SRBD1: variants seen among roughly 807,000 people sequenced by gnomAD.
SRBD1 encodes S1 RNA-binding domain-containing protein 1.
A neutral mutation model predicts 115.3 loss-of-function variants in SRBD1; 88 were observed. That is an observed-to-expected ratio of 0.76 (90% CI 0.64 to 0.91). SRBD1 has a LOEUF of 0.91. SRBD1 is among the 40% of genes least tolerant of loss of function. The probability of loss-of-function intolerance (pLI) is 0.00; values close to 1 mark genes in which losing one functional copy is unlikely to be tolerated. For missense variants in SRBD1, 1,385 were observed against 1,177.4 expected, an observed-to-expected ratio of 1.18 and a Z score of -2.58; for synonymous variants, 509 against 407.7, an observed-to-expected ratio of 1.25 and a Z score of -2.99.
At position 45,562,665 on chromosome 2, in the gene SRBD1, C is replaced by A; in HGVS notation, c.1397G>T (p.Cys466Phe). The A allele has an allele frequency of 6.2e-7, 1 of 1,604,176 alleles. No homozygotes were observed. The highest frequency in any genetic ancestry group is 8.5e-7 in the Non-Finnish European group (1 of 1,177,158). The change falls in exon 10 of 21, where the codon TGC becomes TTC. Residue 466 changes from cysteine to phenylalanine, a missense_variant. Transcript: ENST00000263736. ...DGVKDEFCRW[C>F]IQNRWRPRSF... ...TCTGTAAACAGACCTGTTTTGGATG[C>A]ACCACCTACAGAATTCATCCTTCAC...
At chr2:45,470,649 G>A (rs1254366609) in intron 16 of SRBD1, among the ~76,000 whole-genome samples, 5 of 152,242 alleles carry the variant, frequency 3.3e-5, no homozygotes, top group South Asian at 2.1e-4. Flanking sequence ...ATATGACAAG[G>A]CCAAGCTAAA....
chr2:45,489,845 T>A (rs1670239479), intron 14 of SRBD1, among the ~76,000 whole-genome samples: 1 of 150,078 alleles, frequency 6.7e-6, no homozygotes, highest in Non-Finnish European at 1.5e-5. Flanking sequence ...AAACTCTCAA[T>A]AAAATGAGAA....
intron 19 of SRBD1, among the ~76,000 whole-genome samples, chr2:45,400,785 C>T (rs376084479): frequency 2.2e-4 from 33 of 152,148 alleles, no homozygotes; most frequent in Middle Eastern, 3.4e-3. Flanking sequence ...ACTATTATTA[C>T]GCACATTTAA....
chr2:45,491,972 C>T (rs1473696091), intron 14 of SRBD1, among the ~76,000 whole-genome samples: 1 of 151,982 alleles, frequency 6.6e-6, no homozygotes, highest in African/African-American at 2.4e-5. Flanking sequence ...TAGGTGCCCA[C>T]CATCATGCCC....
intron 14 of SRBD1, among the ~76,000 whole-genome samples, chr2:45,493,412 T>C (rs915557806): frequency 5.9e-5 from 9 of 152,160 alleles, no homozygotes; most frequent in Non-Finnish European, 1.2e-4. Context: ...GCTTAAAGGG[T>C]AGAGCTTACT....
intron 5 of SRBD1, 30 bp from the exon 6 acceptor site, chr2:45,581,840 A>C (rs1380199442): frequency 6.5e-7 from 1 of 1,538,332 alleles, no homozygotes; most frequent in East Asian, 2.3e-5. Flanking sequence ...TAATATACCA[A>C]AACTGTATGT....
intron 14 of SRBD1, among the ~76,000 whole-genome samples, chr2:45,536,450 G>A (rs1671766267): frequency 6.6e-6 from 1 of 151,914 alleles, no homozygotes; most frequent in East Asian, 1.9e-4. Context: ...TTCTCTACTG[G>A]AATTATGTTC....
chr2:45,418,273 C>T (rs1013836259), intron 18 of SRBD1, 92 bp downstream of exon 18: 1 of 1,455,326 alleles, frequency 6.9e-7, no homozygotes, highest in African/African-American at 1.4e-5. Flanking sequence ...ACAATGGACA[C>T]TTAGAAAATT....
At chr2:45,475,112 A>C (rs1669767454) in intron 16 of SRBD1, among the ~76,000 whole-genome samples, 1 of 152,140 alleles carries the variant, frequency 6.6e-6, no homozygotes, top group African/African-American at 2.4e-5. Context: ...CTCAAACTTA[A>C]CATGTCTAAA....
At chr2:45,445,821 T>C (rs909732671) in intron 16 of SRBD1, among the ~76,000 whole-genome samples, 4 of 152,192 alleles carry the variant, frequency 2.6e-5, no homozygotes, top group Non-Finnish European at 5.9e-5. Flanking sequence ...TCTACAATTT[T>C]TCCCCAGTAA....
intron 12 of SRBD1, among the ~76,000 whole-genome samples, chr2:45,549,535 G>C (rs1010696062): frequency 6.6e-6 from 1 of 151,322 alleles, no homozygotes; most frequent in Non-Finnish European, 1.5e-5. Flanking sequence ...ATGAGAACAA[G>C]CTTCTTAAAA....
intron 4 of SRBD1, among the ~76,000 whole-genome samples, chr2:45,598,725 C>A (rs1232401356): frequency 6.6e-6 from 1 of 152,088 alleles, no homozygotes; most frequent in Non-Finnish European, 1.5e-5. Flanking sequence ...CAGCAGAGGC[C>A]CTCAGCTCTA....
chr2:45,480,308 T>C (rs1483983611), intron 15 of SRBD1, among the ~76,000 whole-genome samples: 1 of 152,200 alleles, frequency 6.6e-6, no homozygotes, highest in Admixed American at 6.5e-5. Flanking sequence ...TCTGAGGATC[T>C]GGGCAAAGTA....
At chr2:45,435,005 C>G (rs1668449626) in intron 16 of SRBD1, among the ~76,000 whole-genome samples, 1 of 151,730 alleles carries the variant, frequency 6.6e-6, no homozygotes. Flanking sequence ...CCACCTATGA[C>G]TGAGAACATG....
chr2:45,502,620 G>A (rs532172397), intron 14 of SRBD1, among the ~76,000 whole-genome samples: 66 of 147,796 alleles, frequency 4.5e-4, no homozygotes, highest in African/African-American at 1.6e-3. Flanking sequence ...TCATAGGTGG[G>A]AATTGAACAA....
In SRBD1 at chr2:45,412,978, C is replaced by T. The variant is rs527560785; in HGVS notation, c.2513+136G>A. On this transcript the variant is annotated intron_variant, in intron 19 of 20. Coordinates refer to ENST00000263736, the MANE Select transcript of SRBD1 (RefSeq NM_018079.5). ...TGAAATAATGTGCCACATAACTCAG[C>T]AATGCAGAACTTCTGAAAAATGTTG... is the stretch of plus-strand genomic sequence containing the variant. 1.4e-4 allele frequency: 127 copies of T among 924,562 alleles called. 2 individuals carry two copies. In the East Asian group the frequency reaches 3.1e-3, roughly 22 times the overall value. The allele number at this position is 924,562 out of a possible 1,614,324, so 57.3% of individuals were successfully genotyped here. A position where few individuals can be genotyped will look rare whatever the true frequency, so the allele number is the denominator to read the frequency against.
chr2:45,506,967 A>C (rs1222509651), intron 14 of SRBD1, among the ~76,000 whole-genome samples: 1 of 152,114 alleles, frequency 6.6e-6, no homozygotes, highest in East Asian at 1.9e-4. Context: ...CAGACTTCCT[A>C]GCATCTCATG....
At chr2:45,432,214 A>G (rs1208646293) in intron 16 of SRBD1, among the ~76,000 whole-genome samples, 1 of 152,072 alleles carries the variant, frequency 6.6e-6, no homozygotes, top group Non-Finnish European at 1.5e-5. Context: ...TTTTTAGTAC[A>G]GACGTGGTTT....
chr2:45,446,316 C>T (rs982477130), intron 16 of SRBD1, among the ~76,000 whole-genome samples: 5 of 152,124 alleles, frequency 3.3e-5, no homozygotes, highest in African/African-American at 1.2e-4. Flanking sequence ...GTCTTTAATG[C>T]TGGAACTGCA....
Sources: gnomAD v4.1 joint callset for allele counts (sites outside exome capture counted in the v4.1 genomes callset) on GRCh38, gnomAD v4.1.1 for gene constraint, MANE v1.5 for transcripts, NCBI Gene and HGNC (gene_info 2026-07-23, HGNC 2026-07-21) for gene names.